The following RASA2 variants were observed in gnomAD, a reference collection of about 807,000 sequenced individuals.
RASA2 encodes the protein ras GTPase-activating protein 2.
In RASA2, 155 loss-of-function variants were observed where a neutral mutation model predicts 118.2. That is an observed-to-expected ratio of 1.31 (90% CI 1.15 to 1.50). RASA2 has a LOEUF of 1.50. Ranked by LOEUF, RASA2 falls within the 40% of genes most tolerant of loss-of-function variation. RASA2 has a pLI of 0.00. For synonymous variants in RASA2, 353 were observed against 349.1 expected, an observed-to-expected ratio of 1.01 and a Z score of -0.12; for missense variants, 1,016 against 1,009.6, an observed-to-expected ratio of 1.01 and a Z score of -0.09.
At position 141,487,209 on chromosome 3, in the gene RASA2, C is replaced by T; in HGVS notation, c.126C>T (p.Gly42=). 1 of 1,434,398 alleles carries T rather than the reference C, an allele frequency of 7.0e-7. No homozygotes were observed. Among genetic ancestry groups the T allele is most frequent in the Non-Finnish European group, 9.2e-7 (1 of 1,081,992 alleles). The allele number at this position is 1,434,398 out of a possible 1,614,324, so 88.9% of individuals were successfully genotyped here. ...TTCGAGTGTTGCAGAGCCTGCGGGG[C>T]AAGATCTGTAAGCGGGGGCTGGGCT... ...REVRVLQSLR[G]KICEAKNLLP... The change falls in exon 1 of 24, where the codon GGC becomes GGT. Residue 42 remains glycine, a synonymous_variant. Coordinates refer to ENST00000286364, the MANE Select transcript of RASA2 (RefSeq NM_006506.5).
chr3:141,497,790 T>A (rs1395483375), intron 1 of RASA2, among the ~76,000 whole-genome samples: 1 of 151,526 alleles, frequency 6.6e-6, no homozygotes, highest in East Asian at 1.9e-4. Flanking sequence ...GAGAATCACT[T>A]GAGCCCAGGA....
chr3:141,517,992 G>C (rs1422458292), intron 3 of RASA2, among the ~76,000 whole-genome samples: 1 of 152,090 alleles, frequency 6.6e-6, no homozygotes, highest in Non-Finnish European at 1.5e-5. Flanking sequence ...AGACTAGAGT[G>C]TGATCTGTGG....
intron 12 of RASA2, 69 bp downstream of exon 12, chr3:141,572,792 A>G (rs1219964580): frequency 1.0e-5 from 12 of 1,169,974 alleles, no homozygotes; most frequent in East Asian, 2.4e-5. Context: ...CAAGTGATCT[A>G]TTGATGGGAA....
chr3:141,555,859 A>C lies in RASA2; in HGVS notation c.631A>C (p.Lys211Gln). The change falls in exon 7 of 24, where the codon AAA becomes CAA. Residue 211 changes from lysine to glutamine, a missense_variant. This residue lies in a region of RASA2 where 896 missense variants were observed against 836.4 expected (regional missense o/e 1.07). Transcript: ENST00000286364. ...GAACAGGAATGACCAAAAGAAGACAAAAGTAAAGAAGAAAACAAGCAATCC... is the reference window on the plus strand; with the variant it reads ...GAACAGGAATGACCAAAAGAAGACACAAGTAAAGAAGAAAACAAGCAATCC... ...GPSRNDQKKT[K>Q]VKKKTSNPQF... 6.2e-7 allele frequency: 1 copy of C among 1,612,664 alleles called. No homozygotes were observed. Among genetic ancestry groups the C allele is most frequent in the Non-Finnish European group, 8.5e-7 (1 of 1,179,274 alleles).
intron 3 of RASA2, among the ~76,000 whole-genome samples, chr3:141,528,011 A>C (rs1209365450): frequency 2.0e-5 from 3 of 151,988 alleles, no homozygotes; most frequent in Non-Finnish European, 4.4e-5. Flanking sequence ...CAAAGTATTC[A>C]AAAGAAAGTT....
At chr3:141,599,051 G>A (rs1268449473) in intron 19 of RASA2, among the ~76,000 whole-genome samples, 1 of 152,034 alleles carries the variant, frequency 6.6e-6, no homozygotes, top group African/African-American at 2.4e-5. Context: ...TCGCGCCACT[G>A]CACTCCAGCC....
At chr3:141,604,057 G>A (rs150187785) in intron 19 of RASA2, among the ~76,000 whole-genome samples, 5 of 152,278 alleles carry the variant, frequency 3.3e-5, no homozygotes, top group Middle Eastern at 3.4e-3. Context: ...TCATTTACAA[G>A]TTTTTGTGTG....
At chr3:141,580,058 GAAAAAAAAAAGA>G (rs2083077841) in intron 15 of RASA2, among the ~76,000 whole-genome samples, 1 of 18,732 alleles carries the variant, frequency 5.3e-5, no homozygotes, top group Non-Finnish European at 9.0e-5. Flanking sequence ...TCCATCTCAG[GAAAAAAAAAAGA>G]AAAAAAAAAA....
intron 1 of RASA2, among the ~76,000 whole-genome samples, chr3:141,510,761 GAAA>G (rs1177732369): frequency 6.6e-6 from 1 of 152,124 alleles, no homozygotes; most frequent in East Asian, 1.9e-4. Context: ...GTTGATGAAT[GAAA>G]AAAACTAAAC....
chr3:141,497,187 G>T (rs1279975613), intron 1 of RASA2, among the ~76,000 whole-genome samples: 5 of 113,132 alleles, frequency 4.4e-5, no homozygotes, highest in African/African-American at 1.7e-4. Flanking sequence ...AGAGGGGAGG[G>T]GGGAGGGATA....
Position 141,512,044 on chromosome 3 carries a change from GT to G in RASA2, c.134-106del, listed in dbSNP as rs145312322. On this transcript the variant is annotated intron_variant, in intron 1 of 23. Coordinates refer to ENST00000286364, the MANE Select transcript of RASA2 (RefSeq NM_006506.5). The stretch of plus-strand genomic sequence containing the variant: ...GCTTGATCTTTCTGTAATCACTAGT[GT>G]TTTTTTTTTTTTCTGTGCCACATTA... The G allele has an allele frequency of 0.045, 23,570 of 529,362 alleles. 99 individuals are homozygous for G. Among genetic ancestry groups the G allele is most frequent in the African/African-American group, 0.082 (3,881 of 47,422 alleles). 32.8% of individuals were successfully genotyped at this position (529,362 alleles called of 1,614,324 possible). A position where few individuals can be genotyped will look rare whatever the true frequency, so the allele number is the denominator to read the frequency against.
In RASA2 at chr3:141,553,936, T is replaced by G. The variant is rs541055479; in HGVS notation, c.607T>G (p.Ser203Ala). The change falls in exon 6 of 24, where the codon TCT (serine) becomes GCT (alanine). Residue 203 changes from serine to alanine, a missense_variant. This residue lies in a region of RASA2 where 896 missense variants were observed against 836.4 expected (regional missense o/e 1.07). Coordinates refer to ENST00000286364, the MANE Select transcript of RASA2 (RefSeq NM_006506.5). The stretch of plus-strand genomic sequence containing the variant: ...TGCAACAGTTTCTCTAGTGGGCCCT[T>G]CTAGGTAATATTTATTGAATTATTA... ...PYATVSLVGP[S>A]RNDQKKTKVK... The G allele has an allele frequency of 1.7e-5, 28 of 1,607,280 alleles. No individual in the cohort carries two copies. The highest frequency in any genetic ancestry group is 1.7e-4 in the Middle Eastern group (1 of 6,020).
At chr3:141,602,055 A>C (rs2083472880) in intron 19 of RASA2, among the ~76,000 whole-genome samples, 1 of 152,168 alleles carries the variant, frequency 6.6e-6, no homozygotes, top group Admixed American at 6.5e-5. Context: ...TTATTTCAGC[A>C]TATTTAGAGT....
chr3:141,555,036 T>G (rs1473996192), intron 6 of RASA2, among the ~76,000 whole-genome samples: 8 of 151,860 alleles, frequency 5.3e-5, no homozygotes, highest in African/African-American at 1.9e-4. Context: ...CCGAGGCGGG[T>G]GGATTACCTG....
chr3:141,546,552 C>T (rs78140098), intron 5 of RASA2, among the ~76,000 whole-genome samples: 1,908 of 152,192 alleles, frequency 0.013, 43 homozygotes, highest in African/African-American at 0.043. Context: ...ATTCTTTTCC[C>T]GTAGAGTTGT....
chr3:141,581,290 T>TGGG, intron 17 of RASA2, 113 bp downstream of exon 17: 1 of 895,392 alleles, frequency 1.1e-6, no homozygotes, highest in Non-Finnish European at 1.5e-6. Context: ...ATGTTTAAAC[T>TGGG]GTTCATCAAA....
chr3:141,513,065 G>GAAA (rs771710205), intron 2 of RASA2, among the ~76,000 whole-genome samples: 1 of 110,582 alleles, frequency 9.0e-6, no homozygotes, highest in Non-Finnish European at 1.8e-5. Flanking sequence ...CTCCATCTCA[G>GAAA]AAAAAAAAAA....
At chr3:141,550,238 A>G (rs966231485) in intron 5 of RASA2, among the ~76,000 whole-genome samples, 13 of 152,228 alleles carry the variant, frequency 8.5e-5, no homozygotes, top group African/African-American at 2.7e-4. Flanking sequence ...AACATCACCA[A>G]TAATGAGACA....
intron 1 of RASA2, among the ~76,000 whole-genome samples, chr3:141,506,514 ATACTT>A (rs1377775875): frequency 2.0e-5 from 3 of 152,216 alleles, no homozygotes; most frequent in Non-Finnish European, 2.9e-5. Context: ...AATTTCTTGA[ATACTT>A]TATTCTTATT....
Sources: allele counts gnomAD v4.1 joint callset (sites outside exome capture counted in the v4.1 genomes callset), GRCh38; gene constraint gnomAD v4.1.1; regional missense constraint gnomAD v4.1.1; transcripts MANE v1.5; gene names NCBI Gene and HGNC (gene_info 2026-07-23, HGNC 2026-07-21).